ROR1: variants seen among roughly 807,000 people sequenced by gnomAD.
ROR1 encodes inactive tyrosine-protein kinase transmembrane receptor ROR1.
A neutral mutation model predicts 78.8 loss-of-function variants in ROR1; 19 were observed. The observed-to-expected ratio is 0.24, with a 90% CI of 0.17 to 0.35. The LOEUF is 0.35. Ranked by LOEUF, ROR1 falls within the 10% of genes least tolerant of loss-of-function variation. ROR1 has a pLI of 1.00. For missense variants in ROR1, 917 were observed against 1,177.8 expected, an observed-to-expected ratio of 0.78 and a Z score of 3.24; for synonymous variants, 386 against 433.6, an observed-to-expected ratio of 0.89 and a Z score of 1.36.
At chr1:64,095,434 T>C (rs565203487) in intron 4 of ROR1, among the ~76,000 whole-genome samples, 1 of 152,214 alleles carries the variant, frequency 6.6e-6, no homozygotes, top group South Asian at 2.1e-4. Flanking sequence ...CAAAAAGTAA[T>C]GAATTATAGT....
chr1:64,075,381 CT>C (rs1207574073), intron 4 of ROR1, among the ~76,000 whole-genome samples: 2 of 152,162 alleles, frequency 1.3e-5, no homozygotes, highest in Admixed American at 1.3e-4. Context: ...GGGCAAGTTA[CT>C]TTATCTTCTC....
intron 1 of ROR1, among the ~76,000 whole-genome samples, chr1:63,960,521 C>G (rs894236066): frequency 6.6e-6 from 1 of 152,074 alleles, no homozygotes; most frequent in African/African-American, 2.4e-5. Context: ...GGCACTAATC[C>G]TGTTTGAATC....
chr1:64,123,906 G>A (rs998619557), intron 4 of ROR1, among the ~76,000 whole-genome samples: 3 of 152,040 alleles, frequency 2.0e-5, no homozygotes, highest in Non-Finnish European at 2.9e-5. Flanking sequence ...AATCATAGCA[G>A]TATATAAGGA....
chr1:63,856,632 T>G (rs551125765), intron 1 of ROR1, among the ~76,000 whole-genome samples: 2 of 152,246 alleles, frequency 1.3e-5, no homozygotes, highest in East Asian at 3.9e-4. Context: ...GTTCTCCCTT[T>G]CCTCCAGACA....
intron 6 of ROR1, among the ~76,000 whole-genome samples, chr1:64,141,186 G>A (rs1649299708): frequency 6.6e-6 from 1 of 152,148 alleles, no homozygotes; most frequent in Non-Finnish European, 1.5e-5. Context: ...GTGTATTATA[G>A]CATGTATCAG....
At chr1:63,865,489 T>A (rs1351274915) in intron 1 of ROR1, among the ~76,000 whole-genome samples, 2 of 152,232 alleles carry the variant, frequency 1.3e-5, no homozygotes, top group Non-Finnish European at 2.9e-5. Context: ...TAAGTTCAAG[T>A]CTCAGCTCTG....
chr1:64,140,634 G>A (rs1234689338), intron 6 of ROR1, among the ~76,000 whole-genome samples: 1 of 152,150 alleles, frequency 6.6e-6, no homozygotes, highest in Non-Finnish European at 1.5e-5. Flanking sequence ...TAAAATATTG[G>A]AGCTGGTTTC....
At chr1:64,175,412 G>C (rs1650354623) in intron 8 of ROR1, among the ~76,000 whole-genome samples, 1 of 151,818 alleles carries the variant, frequency 6.6e-6, no homozygotes, top group South Asian at 2.1e-4. Flanking sequence ...TAGCTCCACT[G>C]TAATTGATTT....
chr1:64,013,905 A>C (rs1646497289), intron 2 of ROR1, among the ~76,000 whole-genome samples: 1 of 152,280 alleles, frequency 6.6e-6, no homozygotes, highest in Non-Finnish European at 1.5e-5. Context: ...ATTTGGGTTC[A>C]AATCCCAGTT....
At chr1:63,930,478 A>G (rs11805594) in intron 1 of ROR1, among the ~76,000 whole-genome samples, 1 of 152,224 alleles carries the variant, frequency 6.6e-6, no homozygotes. Flanking sequence ...CCATCCTTGC[A>G]TAAAAAATTC....
At chr1:63,845,913 C>T (rs1017261705) in intron 1 of ROR1, among the ~76,000 whole-genome samples, 1 of 152,136 alleles carries the variant, frequency 6.6e-6, no homozygotes, top group African/African-American at 2.4e-5. Flanking sequence ...TTAGATGGAG[C>T]CTGAACTTAT....
chr1:63,837,614 A>C (rs1228727863), intron 1 of ROR1, among the ~76,000 whole-genome samples: 1 of 152,184 alleles, frequency 6.6e-6, no homozygotes, highest in Non-Finnish European at 1.5e-5. Context: ...TGAGGCCAGG[A>C]GTTCCAGACC....
chr1:63,936,030 G>T (rs559404966), intron 1 of ROR1, among the ~76,000 whole-genome samples: 1 of 152,306 alleles, frequency 6.6e-6, no homozygotes, highest in East Asian at 1.9e-4. Context: ...GATTAACCAG[G>T]AATAAAATGG....
intron 4 of ROR1, among the ~76,000 whole-genome samples, chr1:64,051,019 CA>C (rs1646824004): frequency 6.6e-6 from 1 of 152,084 alleles, no homozygotes; most frequent in South Asian, 2.1e-4. Flanking sequence ...TAAAATCAAA[CA>C]AAAAATGATA....
At chr1:63,838,157 A>G (rs1000118588) in intron 1 of ROR1, among the ~76,000 whole-genome samples, 5 of 152,162 alleles carry the variant, frequency 3.3e-5, no homozygotes, top group African/African-American at 1.2e-4. Flanking sequence ...TGATAATAGT[A>G]AGTATACTTG....
At chr1:63,838,307 C>G (rs1300621177) in intron 1 of ROR1, among the ~76,000 whole-genome samples, 4 of 151,776 alleles carry the variant, frequency 2.6e-5, no homozygotes, top group Middle Eastern at 6.8e-3. Context: ...GAAGGCAGGT[C>G]CTTCAGGAGG....
chr1:64,017,941 T>C (rs1646534555), intron 2 of ROR1, among the ~76,000 whole-genome samples: 1 of 152,224 alleles, frequency 6.6e-6, no homozygotes. Context: ...GAGGCACATT[T>C]CTGGACTCAT....
At chr1:63,918,921 A>G (rs1569909145) in intron 1 of ROR1, among the ~76,000 whole-genome samples, 1 of 152,240 alleles carries the variant, frequency 6.6e-6, no homozygotes, top group Non-Finnish European at 1.5e-5. Flanking sequence ...ACCTTTAACC[A>G]TTCATCTTTT....
intron 4 of ROR1, among the ~76,000 whole-genome samples, chr1:64,114,644 T>C (rs1006940095): frequency 2.6e-5 from 4 of 152,166 alleles, no homozygotes; most frequent in African/African-American, 9.7e-5. Context: ...TAGGTTGGCA[T>C]TAACAAACCC....
Sources: allele counts gnomAD v4.1 joint callset (sites outside exome capture counted in the v4.1 genomes callset), GRCh38; gene constraint gnomAD v4.1.1; transcripts MANE v1.5; gene names NCBI Gene and HGNC (gene_info 2026-07-23, HGNC 2026-07-21).